SVIL: variants seen among roughly 807,000 people sequenced by gnomAD.
The protein encoded by SVIL is archvillin.
A neutral mutation model predicts 240.4 loss-of-function variants in SVIL; 101 were observed. The ratio of observed to expected loss-of-function variants is 0.42; its 90% CI spans 0.36 to 0.50. The LOEUF (loss-of-function observed/expected upper bound fraction) is 0.50. Among genes scored for constraint, SVIL ranks in the 20% least tolerant of loss-of-function variants. The probability of loss-of-function intolerance (pLI) is 0.01; values close to 1 mark genes in which losing one functional copy is unlikely to be tolerated. For synonymous variants in SVIL, 999 were observed against 1,100.0 expected (o/e 0.91, Z 1.82); for missense variants, 2,512 against 2,818.7 (o/e 0.89, Z 2.46).
chr10:29,674,304 C>T (rs1400815479), intron 2 of SVIL, among the ~76,000 whole-genome samples: 1 of 152,112 alleles, frequency 6.6e-6, no homozygotes, highest in Admixed American at 6.5e-5. Flanking sequence ...GCACTCCAGC[C>T]TGGGTGACAA....
chr10:29,532,050 C>A lies in SVIL; in HGVS notation c.1961G>T (p.Arg654Ile), dbSNP rs1413953280. ...TGAAGTTATAGGTTGGGTTCTAAAT[C>A]TCTCGGAAGTTTTTCTACTTTCACC... is the stretch of plus-strand genomic sequence containing the variant. ...SPGESRKTSERFRTQPITSAE... is the reference protein window; with the variant it reads ...SPGESRKTSEIFRTQPITSAE... Residue 654 changes from arginine (R) to isoleucine (I), a missense_variant, in exon 9 of 38, where the codon AGA (arginine) becomes ATA (isoleucine). Physicochemically the swap from Arg to Ile is moderately conservative, Grantham distance 97 (BLOSUM62 -3). Around this residue, in one of 3 missense-constraint regions of SVIL, gnomAD observed 1,443 missense variants for 1,486.6 expected, o/e 0.97. Transcript: ENST00000355867. The A allele has an allele frequency of 6.2e-7, 1 of 1,614,196 alleles. No homozygotes were observed. Among genetic ancestry groups the A allele is most frequent in the Non-Finnish European group, 8.5e-7 (1 of 1,180,026 alleles).
At chr10:29,545,709 G>A (rs1221537027) in intron 6 of SVIL, among the ~76,000 whole-genome samples, 1 of 151,918 alleles carries the variant, frequency 6.6e-6, no homozygotes, top group African/African-American at 2.4e-5. Flanking sequence ...ACAAAAATTA[G>A]TTGGGTGTGG....
intron 16 of SVIL, among the ~76,000 whole-genome samples, chr10:29,519,333 C>G (rs1950418484): frequency 6.6e-6 from 1 of 152,156 alleles, no homozygotes; most frequent in African/African-American, 2.4e-5. Context: ...TGGGTCAGCT[C>G]TATTCACTAC....
At chr10:29,720,412 A>G (rs1963901384) in intron 1 of SVIL, among the ~76,000 whole-genome samples, 1 of 152,216 alleles carries the variant, frequency 6.6e-6, no homozygotes, top group South Asian at 2.1e-4. Context: ...TGTAGCTCCA[A>G]TTATACAACT....
chr10:29,497,221 T>C (rs953756092), intron 18 of SVIL, among the ~76,000 whole-genome samples: 3 of 152,238 alleles, frequency 2.0e-5, no homozygotes, highest in Non-Finnish European at 2.9e-5. Flanking sequence ...ATACCTATAA[T>C]GAGTTAGGTA....
At chr10:29,585,485 G>A (rs779315508) in intron 1 of SVIL, among the ~76,000 whole-genome samples, 9 of 151,984 alleles carry the variant, frequency 5.9e-5, no homozygotes, top group Non-Finnish European at 1.0e-4. Context: ...CACCACGCCC[G>A]CCAAACTATT....
At chr10:29,583,974 C>T (rs1956055488) in intron 1 of SVIL, among the ~76,000 whole-genome samples, 1 of 152,170 alleles carries the variant, frequency 6.6e-6, no homozygotes, top group South Asian at 2.1e-4. Flanking sequence ...TTAGGATACG[C>T]CCACAGAATT....
At chr10:29,645,430 T>G (rs1180682688) in intron 3 of SVIL, among the ~76,000 whole-genome samples, 1 of 151,720 alleles carries the variant, frequency 6.6e-6, no homozygotes, top group Non-Finnish European at 1.5e-5. Flanking sequence ...ATTAGTCAGG[T>G]GTGGTGGCGG....
chr10:29,570,023 A>G (rs1955310838), intron 1 of SVIL, among the ~76,000 whole-genome samples: 1 of 152,234 alleles, frequency 6.6e-6, no homozygotes, highest in African/African-American at 2.4e-5. Context: ...AGAAAACCAC[A>G]AATAGACCAT....
chr10:29,621,681 G>T (rs1032441200), intron 1 of SVIL, among the ~76,000 whole-genome samples: 2 of 152,220 alleles, frequency 1.3e-5, no homozygotes, highest in African/African-American at 4.8e-5. Context: ...CATGGCAGGA[G>T]GAGGTCCACG....
intron 30 of SVIL, 132 bp downstream of exon 30, chr10:29,473,706 G>T: frequency 8.2e-7 from 1 of 1,214,782 alleles, no homozygotes; most frequent in Non-Finnish European, 1.2e-6. Flanking sequence ...GCCAGACCAG[G>T]ACTGAAGTGC....
rs114912231 is a variant in SVIL at position 29,532,882 on chromosome 10, G to A, written c.1485C>T (p.Asn495=). The part of the protein sequence containing the change: ...VTLEHQKELE[N]VAQPPQAPHQ... ...GCGGAGCTTGAGGGGGTTGTGCCAC[G>A]TTTTCCAGTTCCTTCTGATGCTCTA... The change falls in exon 8 of 38, where the codon AAC becomes AAT. Residue 495 remains asparagine, a synonymous_variant. Coordinates refer to ENST00000355867, the MANE Select transcript of SVIL (RefSeq NM_021738.3). The A allele has an allele frequency of 1.7e-4, 271 of 1,614,098 alleles. 1 individual carries two copies. The African/African-American group carries it at 3.2e-3, about 19-fold the overall frequency.
At chr10:29,708,031 G>T (rs909200395) in intron 1 of SVIL, among the ~76,000 whole-genome samples, 3 of 151,906 alleles carry the variant, frequency 2.0e-5, no homozygotes, top group Non-Finnish European at 4.4e-5. Flanking sequence ...GCCGAGGCAG[G>T]TGGATCACGA....
At chr10:29,620,455 G>A (rs1957589598) in intron 1 of SVIL, among the ~76,000 whole-genome samples, 1 of 152,026 alleles carries the variant, frequency 6.6e-6, no homozygotes, top group Non-Finnish European at 1.5e-5. Flanking sequence ...ACCAAATAAG[G>A]GCAGGTGGCA....
rs45519332 is a variant in SVIL, at chr10:29,491,007, G to A, written c.4032C>T (p.Ser1344=). 121,421 of 1,611,306 alleles carry A rather than the reference G, an allele frequency of 0.075. 2,074 individuals are homozygous for A. The highest frequency in any genetic ancestry group is 0.12 in the Admixed American group (7,408 of 59,716). The change falls in exon 22 of 38, where the codon TCC becomes TCT. Residue 1344 remains serine (S), a synonymous_variant. Transcript: ENST00000355867. ...FDPYAPKLTS[S]VAEHKRAVRP... is the part of the protein sequence containing the mutation. ...TAACTGCCCGCTTGTGCTCGGCCAC[G>A]GAAGACGTCAATCTGCGGATGGAAG...
At chr10:29,466,227 A>C (rs1413355341) in intron 33 of SVIL, among the ~76,000 whole-genome samples, 1 of 127,830 alleles carries the variant, frequency 7.8e-6, no homozygotes, top group Admixed American at 8.3e-5. Context: ...TGTAACATAA[A>C]TATGCATATA....
chr10:29,474,589 T>C (rs989594319), intron 29 of SVIL, among the ~76,000 whole-genome samples: 3 of 139,198 alleles, frequency 2.2e-5, no homozygotes, highest in South Asian at 2.4e-4. Context: ...AGTGAGACTC[T>C]CTTACAAATA....
At chr10:29,469,186 C>T (rs545283509) in intron 32 of SVIL, 1 of 152,210 alleles carries the variant, frequency 6.6e-6, no homozygotes, top group African/African-American at 2.4e-5. Context: ...CTCTGATGGG[C>T]CTCAAATGCC....
chr10:29,683,923 G>A (rs187549978), intron 2 of SVIL, among the ~76,000 whole-genome samples: 4 of 152,174 alleles, frequency 2.6e-5, no homozygotes, highest in African/African-American at 9.6e-5. Context: ...CAGGAAATAT[G>A]CTTGAGAATA....
Sources: allele counts gnomAD v4.1 joint callset (sites outside exome capture counted in the v4.1 genomes callset), GRCh38; gene constraint gnomAD v4.1.1; regional missense constraint gnomAD v4.1.1; transcripts MANE v1.5; gene names NCBI Gene and HGNC (gene_info 2026-07-23, HGNC 2026-07-21).